Variants in C4orf54 observed in about 807,000 individuals in gnomAD.
C4orf54 encodes chromosome 4 open reading frame 54.
A neutral mutation model predicts 80.1 loss-of-function variants in C4orf54; 67 were observed. That is an observed-to-expected ratio of 0.84 (90% CI 0.69 to 1.03). The LOEUF is 1.03. Among genes scored for constraint, C4orf54 ranks in the 50% least tolerant of loss-of-function variants. The probability of loss-of-function intolerance (pLI) is 0.00; values close to 1 mark genes in which losing one functional copy is unlikely to be tolerated. For synonymous variants in C4orf54, 1,000 were observed against 917.0 expected (o/e 1.09, Z -1.64); for missense variants, 2,434 against 2,253.5 (o/e 1.08, Z -1.62).
rs1726950982 is a variant in C4orf54, at chr4:99,654,680, C to T, written c.-31-1G>A. On this transcript the variant is annotated splice_acceptor_variant, in intron 1 of 2. Coordinates refer to ENST00000511828, the MANE Select transcript of C4orf54 (RefSeq NM_001354435.2). LOFTEE classifies it low-confidence loss of function (5UTR_SPLICE). ...TTTCTTGTGAAGCCTTGTCCCTTTC[C>T]TGGATGGGGCGAGAGAAGGTCACGT... The T allele has an allele frequency of 1.5e-6, 1 of 668,350 alleles. No individual in the cohort carries two copies. The highest frequency in any genetic ancestry group is 1.6e-5 in the South Asian group (1 of 63,474). 41.4% of individuals were successfully genotyped at this position (668,350 alleles called of 1,614,324 possible).
At position 99,639,453 on chromosome 4, in the gene C4orf54, T is replaced by C. The variant is rs1726567653; in HGVS notation, c.*1780A>G. ...GGGGGAATTGATTGATGTGCCTGGG[T>C]AAGAAGACCTCTATGATAAAGAAAT... On this transcript the variant is annotated 3_prime_UTR_variant, in exon 3 of 3. Transcript: ENST00000511828. 6.6e-6 allele frequency: 1 copy of C among 152,170 alleles called. No homozygotes were observed. Among genetic ancestry groups the C allele is most frequent in the African/African-American group, 2.4e-5 (1 of 41,468 alleles). The allele number at this position is 152,170 out of a possible 1,614,324, so 9.4% of individuals were successfully genotyped here.
At position 99,650,930 on chromosome 4, in the gene C4orf54, A is replaced by ACCT. The variant is rs1343135011; in HGVS notation, c.3716_3718dup (p.Glu1239dup). The ACCT allele has an allele frequency of 7.2e-6, 11 of 1,531,688 alleles. No homozygotes were observed. Among genetic ancestry groups the ACCT allele is most frequent in the East Asian group, 2.5e-5 (1 of 40,750 alleles). 94.9% of individuals were successfully genotyped at this position (1,531,688 alleles called of 1,614,324 possible). A position where few individuals can be genotyped will look rare whatever the true frequency, so the allele number is the denominator to read the frequency against. ...CTTCGTGGCTTTCCCTTCCTCCTTG[A>ACCT]CCTCCTCCTCCTTGAGCTTCTCTGG... On this transcript the variant is annotated inframe_insertion, in exon 2 of 3. Transcript: ENST00000511828.
chr4:99,654,159 C>A lies in C4orf54; in HGVS notation c.490G>T (p.Gly164Trp), dbSNP rs762636080. 6 of 1,536,166 alleles carry A rather than the reference C, an allele frequency of 3.9e-6. No homozygotes were observed. Among genetic ancestry groups the A allele is most frequent in the Non-Finnish European group, 5.2e-6 (6 of 1,146,922 alleles). Residue 164 changes from glycine (G) to tryptophan (W), a missense_variant, in exon 2 of 3, where the codon GGG becomes TGG. Physicochemically the swap from Gly to Trp is radical, Grantham distance 184 (BLOSUM62 -2). Transcript: ENST00000511828. ...TGGCTGTCTTGAGCACTGCTCACCC[C>A]GTCCCCCACCTCCGCCTGTCTTGCT... ...SKARQAEVGD[G>W]VSSAQDSQEL...
chr4:99,650,171 T>A lies in C4orf54; in HGVS notation c.4478A>T (p.Glu1493Val), dbSNP rs1726781348. The change falls in exon 2 of 3, where the codon GAG (glutamate) becomes GTG (valine). Residue 1493 changes from glutamate (E) to valine (V), a missense_variant. By Grantham distance (121) the Glu-to-Val change is moderately radical. Coordinates refer to ENST00000511828, the MANE Select transcript of C4orf54 (RefSeq NM_001354435.2). ...ELLSRPGASREGPPNSSAATL... is the reference protein window; with the variant it reads ...ELLSRPGASRVGPPNSSAATL... ...GGCAGCTGAGGAGTTGGGGGGCCCC[T>A]CCCTGGAAGCCCCAGGCCTGCTAAG... 1 of 1,535,886 alleles carries A rather than the reference T, an allele frequency of 6.5e-7. No individual in the cohort carries two copies. Among genetic ancestry groups the A allele is most frequent in the East Asian group, 2.4e-5 (1 of 40,882 alleles).
In C4orf54 at chr4:99,649,842, C is replaced by G; in HGVS notation, c.4807G>C (p.Ala1603Pro). 1.3e-6 allele frequency: 2 copies of G among 1,534,230 alleles called. No homozygotes were observed. The highest frequency in any genetic ancestry group is 1.7e-6 in the Non-Finnish European group (2 of 1,145,254). Residue 1603 changes from alanine (A) to proline (P), a missense_variant, in exon 2 of 3, where the codon GCA (alanine) becomes CCA (proline). By Grantham distance (27) the Ala-to-Pro change is conservative. Coordinates refer to ENST00000511828, the MANE Select transcript of C4orf54 (RefSeq NM_001354435.2). ...TTACGCTGGGTCTGTTGAGGCTGTG[C>G]CTGCTGGAAGGGGTCTGTGGGGACG... ...APVPTDPFQQ[A>P]QPQQTQRKML...
Position 99,653,322 on chromosome 4 carries a change from G to C in C4orf54, c.1327C>G (p.Arg443Gly). The C allele has an allele frequency of 6.5e-7, 1 of 1,533,676 alleles. No homozygotes were observed. Among genetic ancestry groups the C allele is most frequent in the Non-Finnish European group, 8.7e-7 (1 of 1,145,118 alleles). Residue 443 changes from arginine to glycine, a missense_variant, in exon 2 of 3, where the codon CGG becomes GGG. Transcript: ENST00000511828. ...LSTTPSTNTT[R>G]TPSPTSSDLA... is the part of the protein sequence containing the mutation. Reference sequence around the variant, plus strand: ...TCGCTGCTTGTAGGGCTGGGCGTCCGGGTGGTGTTGGTGCTGGGAGTGGTG... The same window carrying C: ...TCGCTGCTTGTAGGGCTGGGCGTCCCGGTGGTGTTGGTGCTGGGAGTGGTG...
chr4:99,652,852 C>T lies in C4orf54; in HGVS notation c.1797G>A (p.Ala599=), dbSNP rs1578276170. The part of the protein sequence containing the change: ...RLQTRCGAIR[A]KELVDYSSGA... ...CGCTGGAGTAGTCCACCAGCTCCTT[C>T]GCCCGGATGGCCCCGCACCTGGTTT... Residue 599 remains alanine (A), a synonymous_variant, in exon 2 of 3, where the codon GCG becomes GCA. Transcript: ENST00000511828. 1 of 1,536,126 alleles carries T rather than the reference C, an allele frequency of 6.5e-7. No individual in the cohort carries two copies.
Position 99,654,516 on chromosome 4 carries a change from T to TGTA in C4orf54, c.130_132dup (p.Tyr44dup), listed in dbSNP as rs1726946865. Reference sequence around the variant, plus strand: ...CCGGCCGAGACTGTGGCCAGTGTTCTGTAGCTGAGCTGTCCTGTCCAGTTG... The same window carrying TGTA: ...CCGGCCGAGACTGTGGCCAGTGTTCTGTAGTAGCTGAGCTGTCCTGTCCAGTTG... On this transcript the variant is annotated inframe_insertion, in exon 2 of 3. Coordinates refer to ENST00000511828, the MANE Select transcript of C4orf54 (RefSeq NM_001354435.2). 1.4e-6 allele frequency: 1 copy of TGTA among 703,508 alleles called. No homozygotes were observed. 43.6% of individuals were successfully genotyped at this position (703,508 alleles called of 1,614,324 possible).
rs1560637278 is a variant in C4orf54 at position 99,649,934 on chromosome 4, G to T, written c.4715C>A (p.Ala1572Asp). 1 of 1,530,112 alleles carries T rather than the reference G, an allele frequency of 6.5e-7. No individual in the cohort carries two copies. Among genetic ancestry groups the T allele is most frequent in the Admixed American group, 2.0e-5 (1 of 50,862 alleles). The allele number at this position is 1,530,112 out of a possible 1,614,324, so 94.8% of individuals were successfully genotyped here. A position where few individuals can be genotyped will look rare whatever the true frequency, so the allele number is the denominator to read the frequency against. ...GGAGAAGCAGAGGACCTGAGGCTGG[G>T]CCCCCTGTAGGGTGAAGGGCAGCGG... ...QPPLPFTLQGAQPQVLCFSPP... is the reference protein window; with the variant it reads ...QPPLPFTLQGDQPQVLCFSPP... Residue 1572 changes from alanine to aspartate, a missense_variant, in exon 2 of 3, where the codon GCC becomes GAC. Coordinates refer to ENST00000511828, the MANE Select transcript of C4orf54 (RefSeq NM_001354435.2).
Position 99,653,771 on chromosome 4 carries a change from G to T in C4orf54, c.878C>A (p.Thr293Lys), listed in dbSNP as rs1239154472. The change falls in exon 2 of 3, where the codon ACA (threonine) becomes AAA (lysine). Residue 293 changes from threonine to lysine, a missense_variant. Physicochemically the swap from Thr to Lys is moderately conservative, Grantham distance 78. Coordinates refer to ENST00000511828, the MANE Select transcript of C4orf54 (RefSeq NM_001354435.2). ...LSKMEDSTTS[T>K]GALATSSSSL... ...TGAAGAGGAGGTGGCCAGAGCCCCT[G>T]TGGATGTGGTGGAGTCCTCCATTTT... The T allele has an allele frequency of 6.5e-7, 1 of 1,536,122 alleles. No individual in the cohort carries two copies. Among genetic ancestry groups the T allele is most frequent in the Non-Finnish European group, 8.7e-7 (1 of 1,146,910 alleles).
Position 99,649,352 on chromosome 4 carries a change from A to G in C4orf54, c.5297T>C (p.Ile1766Thr). The G allele has an allele frequency of 6.5e-7, 1 of 1,536,126 alleles. No individual in the cohort carries two copies. The highest frequency in any genetic ancestry group is 8.7e-7 in the Non-Finnish European group (1 of 1,146,900). ...CCGTGGCCCCAGGGGCTGCGAAGTA[A>G]TGCTGATGACAGGCTTGCCATGCAG... ...AQLHGKPVIS[I>T]TSQPLGPRII... The change falls in exon 2 of 3, where the codon ATT (isoleucine) becomes ACT (threonine). Residue 1766 changes from isoleucine to threonine, a missense_variant. Physicochemically the swap from Ile to Thr is moderately conservative, Grantham distance 89. Coordinates refer to ENST00000511828, the MANE Select transcript of C4orf54 (RefSeq NM_001354435.2).
chr4:99,649,552 G>A lies in C4orf54; in HGVS notation c.5097C>T (p.Arg1699=), dbSNP rs768308958. 29 of 1,536,026 alleles carry A rather than the reference G, an allele frequency of 1.9e-5. No individual in the cohort carries two copies. The highest frequency in any genetic ancestry group is 1.7e-4 in the Middle Eastern group (1 of 6,012). ...GGGAGAGCTCACTTCCTCTTGGAGC[G>A]CGAGCAATTGGTGTGGGCTGCAGAG... The part of the protein sequence containing the change: ...TNALQPTPIA[R]APRGSELSPM... The change falls in exon 2 of 3, where the codon CGC becomes CGT. Residue 1699 remains arginine (R), a synonymous_variant. Transcript: ENST00000511828.
chr4:99,653,632 C>CCCTCCTCCCCCTCCTCCTTTA lies in C4orf54; in HGVS notation c.1016_1017insTAAAGGAGGAGGGGGAGGAGG (p.Lys333_Gly339dup). ...CCCTGCACTCTGTTCCATCTCCTGC[C>CCCTCCTCCCCCTCCTCCTTTA]CCTCCTCCCCCTCCTCCTTTTCCTC... On this transcript the variant is annotated inframe_insertion, in exon 2 of 3. Coordinates refer to ENST00000511828, the MANE Select transcript of C4orf54 (RefSeq NM_001354435.2). 1 of 1,534,418 alleles carries CCCTCCTCCCCCTCCTCCTTTA rather than the reference C, an allele frequency of 6.5e-7. No individual in the cohort carries two copies. The highest frequency in any genetic ancestry group is 8.7e-7 in the Non-Finnish European group (1 of 1,145,938).
Position 99,638,957 on chromosome 4 carries a change from GA to G in C4orf54, c.*2275del, listed in dbSNP as rs1461979189. On this transcript the variant is annotated 3_prime_UTR_variant, in exon 3 of 3. Coordinates refer to ENST00000511828, the MANE Select transcript of C4orf54 (RefSeq NM_001354435.2). ...AGCCTCTTGTATAGAACAAACAAAT[GA>G]AAAGCTTTTTCTTTCTTTCCTTAGT... 4.6e-5 allele frequency: 7 copies of G among 152,090 alleles called. No homozygotes were observed. 9.4% of individuals were successfully genotyped at this position (152,090 alleles called of 1,614,324 possible).
chr4:99,655,238 T>C (rs979159635), intron 1 of C4orf54, among the ~76,000 whole-genome samples: 6 of 152,148 alleles, frequency 3.9e-5, no homozygotes, highest in African/African-American at 1.2e-4. Context: ...ACTCAAAGTA[T>C]AAAAGGGCAA....
chr4:99,654,356 G>T lies in C4orf54; in HGVS notation c.293C>A (p.Thr98Lys). 1 of 1,218,150 alleles carries T rather than the reference G, an allele frequency of 8.2e-7. No individual in the cohort carries two copies. 75.5% of individuals were successfully genotyped at this position (1,218,150 alleles called of 1,614,324 possible). A position where few individuals can be genotyped will look rare whatever the true frequency, so the allele number is the denominator to read the frequency against. The change falls in exon 2 of 3, where the codon ACA (threonine) becomes AAA (lysine). Residue 98 changes from threonine to lysine, a missense_variant. Thr to Lys is a moderately conservative substitution (Grantham distance 78). Transcript: ENST00000511828. ...EVVAAVAAVP[T>K]ALGPVQIRGT... ...ACGTATCTGGACTGGCCCCAAGGCT[G>T]TAGGCACTGCTGCCACTGCTGCCAC...
intron 2 of C4orf54, among the ~76,000 whole-genome samples, chr4:99,644,747 T>TA (rs35275073): frequency 1.5e-3 from 200 of 132,508 alleles, no homozygotes; most frequent in East Asian, 6.5e-3. Context: ...ATGATAATAA[T>TA]AAAAAAAAAA....
intron 2 of C4orf54, among the ~76,000 whole-genome samples, chr4:99,643,708 T>C (rs1273834189): frequency 2.8e-5 from 4 of 144,006 alleles, no homozygotes; most frequent in African/African-American, 7.6e-5. Flanking sequence ...TCTTACCTTA[T>C]TCCCTTTCCC....
chr4:99,642,441 G>A (rs148209954), intron 2 of C4orf54, among the ~76,000 whole-genome samples: 7 of 152,244 alleles, frequency 4.6e-5, no homozygotes, highest in African/African-American at 9.6e-5. Flanking sequence ...ACTATAGGAC[G>A]GTAATAGTCT....
Sources: gnomAD v4.1 joint callset for allele counts (sites outside exome capture counted in the v4.1 genomes callset) on GRCh38, gnomAD v4.1.1 for gene constraint, MANE v1.5 for transcripts, NCBI Gene and HGNC (gene_info 2026-07-23, HGNC 2026-07-21) for gene names.